Variants in EYS observed in about 807,000 individuals in gnomAD.
The protein encoded by EYS is EGF-like photoreceptor maintenance factor.
EYS carries 250 observed loss-of-function variants against 282.1 expected under a neutral mutation model. The ratio of observed to expected loss-of-function variants is 0.89; its 90% CI spans 0.80 to 0.98. The LOEUF is 0.98. EYS is among the 50% of genes least tolerant of loss of function. EYS has a pLI of 0.00. For synonymous variants in EYS, 1,355 were observed against 1,282.9 expected (o/e 1.06, Z -1.20); for missense variants, 4,016 against 3,709.0 (o/e 1.08, Z -2.15).
At chr6:64,851,628 T>A (rs1765888294) in intron 19 of EYS, among the ~76,000 whole-genome samples, 1 of 152,108 alleles carries the variant, frequency 6.6e-6, no homozygotes, top group Non-Finnish European at 1.5e-5. Flanking sequence ...TAAAAAAGAA[T>A]GAGATCGTGT....
At chr6:64,856,807 G>A (rs1050084241) in intron 19 of EYS, among the ~76,000 whole-genome samples, 5 of 151,654 alleles carry the variant, frequency 3.3e-5, no homozygotes, top group African/African-American at 1.2e-4. Flanking sequence ...CATGGATCAA[G>A]CTCTAGTTGC....
At chr6:64,194,883 G>T (rs971031331) in intron 31 of EYS, among the ~76,000 whole-genome samples, 1 of 152,098 alleles carries the variant, frequency 6.6e-6, no homozygotes, top group African/African-American at 2.4e-5. Context: ...TTAAGTCTGT[G>T]CAAGAGTTTG....
chr6:63,737,371 T>C (rs1317637563), intron 41 of EYS, among the ~76,000 whole-genome samples: 1 of 123,152 alleles, frequency 8.1e-6, no homozygotes, highest in Non-Finnish European at 1.8e-5. Context: ...TTTGGTTCTG[T>C]TTATATGCTG....
chr6:64,536,157 T>G (rs1212679329), intron 26 of EYS, among the ~76,000 whole-genome samples: 1 of 152,156 alleles, frequency 6.6e-6, no homozygotes, highest in Non-Finnish European at 1.5e-5. Flanking sequence ...GTATTTTCAT[T>G]CATATCTTTT....
intron 1 of EYS, among the ~76,000 whole-genome samples, chr6:65,660,336 G>A (rs1767960924): frequency 6.6e-6 from 1 of 151,530 alleles, no homozygotes; most frequent in Non-Finnish European, 1.5e-5. Flanking sequence ...CTCCTTTTAA[G>A]CTTTTCTGCT....
At chr6:65,573,353 G>A (rs772437675) in intron 2 of EYS, among the ~76,000 whole-genome samples, 2 of 152,088 alleles carry the variant, frequency 1.3e-5, no homozygotes, top group Non-Finnish European at 2.9e-5. Context: ...CTACATGGTC[G>A]GAACCACTGT....
At chr6:64,177,762 G>A (rs779486020) in intron 31 of EYS, among the ~76,000 whole-genome samples, 2 of 152,048 alleles carry the variant, frequency 1.3e-5, no homozygotes, top group Non-Finnish European at 2.9e-5. Context: ...GGCATAACTT[G>A]ATTTCTCTGA....
chr6:64,578,564 T>A (rs551566002), intron 26 of EYS, among the ~76,000 whole-genome samples: 1 of 151,984 alleles, frequency 6.6e-6, no homozygotes, highest in South Asian at 2.1e-4. Context: ...TACTTCTACT[T>A]TTTCTTTTAT....
intron 28 of EYS, among the ~76,000 whole-genome samples, chr6:64,406,606 A>G (rs550720204): frequency 1.3e-5 from 2 of 152,220 alleles, no homozygotes; most frequent in African/African-American, 2.4e-5. Flanking sequence ...GAACTTACAC[A>G]CATTTACAAG....
At chr6:64,772,807 T>C (rs1583140930) in intron 22 of EYS, among the ~76,000 whole-genome samples, 1 of 151,904 alleles carries the variant, frequency 6.6e-6, no homozygotes, top group South Asian at 2.1e-4. Context: ...CATTATGTCT[T>C]TTAGTTTCAT....
chr6:65,613,910 T>C (rs893586670), intron 2 of EYS, among the ~76,000 whole-genome samples: 5 of 151,972 alleles, frequency 3.3e-5, no homozygotes, highest in African/African-American at 1.2e-4. Context: ...AAAATATTTA[T>C]TTAGATTATG....
chr6:64,237,785 TGA>T (rs745962315), intron 30 of EYS, among the ~76,000 whole-genome samples: 3 of 152,152 alleles, frequency 2.0e-5, no homozygotes, highest in African/African-American at 4.8e-5. Flanking sequence ...GCAAATTTTA[TGA>T]GAGCAAAGCA....
intron 15 of EYS, among the ~76,000 whole-genome samples, chr6:64,919,342 G>A (rs1259358742): frequency 6.6e-6 from 1 of 151,086 alleles, no homozygotes; most frequent in African/African-American, 2.4e-5. Context: ...GCTATTTTTT[G>A]TATTTTTAGT....
chr6:64,968,563 A>G (rs1206077726), intron 14 of EYS, among the ~76,000 whole-genome samples: 2 of 152,150 alleles, frequency 1.3e-5, no homozygotes, highest in Non-Finnish European at 2.9e-5. Flanking sequence ...TGATTGCTTT[A>G]TATAGATGCT....
chr6:64,057,184 A>T (rs1332763849), intron 33 of EYS, among the ~76,000 whole-genome samples: 1 of 152,224 alleles, frequency 6.6e-6, no homozygotes, highest in Non-Finnish European at 1.5e-5. Flanking sequence ...TTTTAAAGAA[A>T]ATTGGTAAAT....
intron 28 of EYS, among the ~76,000 whole-genome samples, chr6:64,426,581 A>G (rs1447209929): frequency 6.6e-6 from 1 of 152,116 alleles, no homozygotes; most frequent in Admixed American, 6.6e-5. Flanking sequence ...GCAGAGAGAA[A>G]AAGATGGATA....
intron 12 of EYS, among the ~76,000 whole-genome samples, chr6:65,237,034 T>G (rs962117443): frequency 5.9e-5 from 9 of 152,192 alleles, no homozygotes; most frequent in African/African-American, 2.2e-4. Flanking sequence ...TTCTTTCACT[T>G]GAATATATTA....
At chr6:65,162,197 A>G (rs540761425) in intron 12 of EYS, among the ~76,000 whole-genome samples, 28 of 151,258 alleles carry the variant, frequency 1.9e-4, no homozygotes, top group South Asian at 4.1e-4. Flanking sequence ...CAGTTTCTCC[A>G]TGTATAAATG....
intron 27 of EYS, among the ~76,000 whole-genome samples, chr6:64,436,802 T>A (rs1774767077): frequency 6.6e-6 from 1 of 151,842 alleles, no homozygotes; most frequent in Non-Finnish European, 1.5e-5. Flanking sequence ...CATGTCTATA[T>A]CAGGTATGAT....
Sources: gnomAD v4.1 joint callset for allele counts (sites outside exome capture counted in the v4.1 genomes callset) on GRCh38, gnomAD v4.1.1 for gene constraint, MANE v1.5 for transcripts, NCBI Gene and HGNC (gene_info 2026-07-23, HGNC 2026-07-21) for gene names.